PRX: variants seen among roughly 807,000 people sequenced by gnomAD.
The protein encoded by PRX is periaxin.
PRX carries 24 observed loss-of-function variants against 29.6 expected under a neutral mutation model. The ratio of observed to expected loss-of-function variants is 0.81; its 90% confidence interval spans 0.59 to 1.14. PRX has a LOEUF of 1.14. Ranked by LOEUF, PRX falls within the 50% of genes most tolerant of loss-of-function variation. The pLI is 0.00. For missense variants in PRX, 1,838 were observed against 1,926.4 expected, an observed-to-expected ratio of 0.95 and a Z score of 0.86; for synonymous variants, 772 against 831.7, an observed-to-expected ratio of 0.93 and a Z score of 1.24.
rs1268269158 is a variant in PRX at position 40,394,265 on chromosome 19, T to C, written c.4087A>G (p.Ser1363Gly). 6.2e-7 allele frequency: 1 copy of C among 1,611,570 alleles called. No individual in the cohort carries two copies. Among genetic ancestry groups the C allele is most frequent in the East Asian group, 2.2e-5 (1 of 44,782 alleles). The change falls in exon 7 of 7, where the codon AGT (serine) becomes GGT (glycine). Residue 1363 changes from serine (S) to glycine (G), a missense_variant. Physicochemically the swap from Ser to Gly is moderately conservative, Grantham distance 56. Around this residue, in one of 3 missense-constraint regions of PRX, gnomAD observed 1,143 missense variants for 1,193.0 expected, o/e 0.96. Transcript: ENST00000324001. This position sits in a 1 kb window ranked among gnomAD's most constrained non-coding sequence, Gnocchi z 5.8. ...CGGCGACCCGAGGCCCCTTCCCCAC[T>C]GCCCTCTTCCTCCTCCTCCTCCTCC... is the stretch of plus-strand genomic sequence containing the variant. ...EEEEEEEEEG[S>G]GEGASGRRGR...
In PRX at chr19:40,398,625, TG is replaced by T; in HGVS notation, c.375del (p.Lys126SerfsTer2). The T allele has an allele frequency of 6.2e-7, 1 of 1,610,638 alleles. No individual in the cohort carries two copies. Among genetic ancestry groups the T allele is most frequent in the Non-Finnish European group, 8.5e-7 (1 of 1,179,578 alleles). ...YEIKGPRAKVAKLNIQSLSPV... is the reference protein window; with the variant it reads ...YEIKGPRAKVXKLNIQSLSPV... ...GCCGGGCTAAGCACGCGTACCAGCT[TG>T]GCCACCTTGGCCCGCGGGCCCTTGA... On this transcript the variant is annotated frameshift_variant, in exon 6 of 7. Coordinates refer to ENST00000324001, the MANE Select transcript of PRX (RefSeq NM_181882.3). LOFTEE classifies it low-confidence loss of function (END_TRUNC). The surrounding 1 kb of genome is among the most constrained non-coding windows in gnomAD (Gnocchi z 6.3).
At chr19:40,411,694 G>A (rs547099179) in intron 1 of PRX, among the ~76,000 whole-genome samples, 2 of 152,148 alleles carry the variant, frequency 1.3e-5, no homozygotes, top group East Asian at 1.9e-4. Context: ...GGGCAGCTTC[G>A]GAAGGAAACC....
At chr19:40,400,939 A>G (rs1323786401) in intron 5 of PRX, among the ~76,000 whole-genome samples, 2 of 152,016 alleles carry the variant, frequency 1.3e-5, no homozygotes, top group African/African-American at 4.8e-5. Context: ...CTCACATCCA[A>G]CATCTCCATC....
intron 4 of PRX, 102 bp from the exon 5 acceptor site, chr19:40,403,964 T>C: frequency 7.5e-7 from 1 of 1,337,444 alleles, no homozygotes; most frequent in Non-Finnish European, 1.0e-6. Context: ...TATATGTTTA[T>C]ATATATTTAG....
chr19:40,410,197 G>A (rs1339305412), intron 1 of PRX, among the ~76,000 whole-genome samples: 1 of 152,126 alleles, frequency 6.6e-6, no homozygotes, highest in Non-Finnish European at 1.5e-5. Context: ...AAATGGAGAT[G>A]AATACTCTCT....
Position 40,394,784 on chromosome 19 carries a change from C to T in PRX, c.3568G>A (p.Val1190Met), listed in dbSNP as rs1460400178. The T allele has an allele frequency of 1.9e-6, 3 of 1,613,688 alleles. No individual in the cohort carries two copies. Among genetic ancestry groups the T allele is most frequent in the Admixed American group, 1.7e-5 (1 of 60,032 alleles). Residue 1190 changes from valine (V) to methionine (M), a missense_variant, in exon 7 of 7, where the codon GTG (valine) becomes ATG (methionine). Physicochemically the swap from Val to Met is conservative, Grantham distance 21 (BLOSUM62 1). Coordinates refer to ENST00000324001, the MANE Select transcript of PRX (RefSeq NM_181882.3). This position sits in a 1 kb window ranked among gnomAD's most constrained non-coding sequence, Gnocchi z 5.8. ...TGGGCTCCAGGCAGAGACAGGGTCA[C>T]CTGGGGCACCTGAACCCTGTAGCCT... ...TAGYRVQVPQ[V>M]TLSLPGAQVA... is the part of the protein sequence containing the mutation.
In PRX at chr19:40,397,690, G is replaced by A; in HGVS notation, c.662C>T (p.Ala221Val). The A allele has an allele frequency of 1.3e-6, 2 of 1,560,800 alleles. No individual in the cohort carries two copies. Among genetic ancestry groups the A allele is most frequent in the Non-Finnish European group, 1.7e-6 (2 of 1,158,486 alleles). ...APPPRKAKVE[A>V]EVAAGARFTA... is the part of the protein sequence containing the mutation. Reference sequence around the variant, plus strand: ...GAAACGAGCTCCTGCAGCCACCTCAGCCTCCACCTTGGCTTTCCTGGGGGG... The same window carrying A: ...GAAACGAGCTCCTGCAGCCACCTCAACCTCCACCTTGGCTTTCCTGGGGGG... The change falls in exon 7 of 7, where the codon GCT becomes GTT. Residue 221 changes from alanine (A) to valine (V), a missense_variant. Ala to Val is a moderately conservative substitution (Grantham distance 64). Around this residue, in one of 3 missense-constraint regions of PRX, gnomAD observed 666 missense variants for 665.0 expected, o/e 1.00. Transcript: ENST00000324001.
Position 40,396,630 on chromosome 19 carries a change from C to G in PRX, c.1722G>C (p.Leu574=). Residue 574 remains leucine, a synonymous_variant, in exon 7 of 7, where the codon CTG becomes CTC. Transcript: ENST00000324001. ...VPEVRLPEVQ[L]PKVPEMKVPE... is the part of the protein sequence containing the mutation. ...GGACTTTCATCTCTGGCACTTTCGG[C>G]AGCTGCACCTCTGGAAGCCGCACCT... The G allele has an allele frequency of 1.2e-6, 2 of 1,614,096 alleles. No individual in the cohort carries two copies. Among genetic ancestry groups the G allele is most frequent in the Non-Finnish European group, 1.7e-6 (2 of 1,180,020 alleles).
chr19:40,403,650 G>A, intron 5 of PRX, 56 bp downstream of exon 5: 1 of 1,505,738 alleles, frequency 6.6e-7, no homozygotes, highest in Non-Finnish European at 8.9e-7. Context: ...ACCCAAGGCA[G>A]ATTCCTAACC....
chr19:40,413,751 C>T (rs116866864), upstream of PRX, among the ~76,000 whole-genome samples: 4,248 of 152,278 alleles, frequency 0.028, 88 homozygotes, highest in Middle Eastern at 0.061. Context: ...GGGTTCAAAT[C>T]GCAGCGCGAC....
chr19:40,408,089 T>G (rs765166923), intron 3 of PRX, 58 bp from the exon 4 acceptor site: 97 of 951,356 alleles, frequency 1.0e-4, no homozygotes, highest in Admixed American at 2.8e-4. Flanking sequence ...GTGGAGGCCA[T>G]GCTTACAGGG....
Position 40,397,342 on chromosome 19 carries a change from A to G in PRX, c.1010T>C (p.Leu337Pro). The change falls in exon 7 of 7, where the codon CTG becomes CCG. Residue 337 changes from leucine (L) to proline (P), a missense_variant. Around this residue, in one of 3 missense-constraint regions of PRX, gnomAD observed 666 missense variants for 665.0 expected, o/e 1.00. Coordinates refer to ENST00000324001, the MANE Select transcript of PRX (RefSeq NM_181882.3). Reference sequence around the variant, plus strand: ...CTCCACCTCTGCACCCGGCAAGGCCAGGTCCACCCCCACAGTCGGTGCTGC... The same window carrying G: ...CTCCACCTCTGCACCCGGCAAGGCCGGGTCCACCCCCACAGTCGGTGCTGC... ...DVAAPTVGVD[L>P]ALPGAEVEAR... The G allele has an allele frequency of 6.2e-7, 1 of 1,613,028 alleles. No individual in the cohort carries two copies. Among genetic ancestry groups the G allele is most frequent in the South Asian group, 1.1e-5 (1 of 91,086 alleles).
intron 1 of PRX, among the ~76,000 whole-genome samples, chr19:40,408,819 GTGTGTGTGTGTGT>G (rs2079545137): frequency 2.4e-5 from 3 of 125,050 alleles, no homozygotes; most frequent in African/African-American, 1.2e-4. Context: ...TGTTGGTGGT[GTGTGTGTGTGTGT>G]GTGTGTGTGT....
At chr19:40,405,630 T>C (rs1407258733) in intron 4 of PRX, among the ~76,000 whole-genome samples, 3 of 32,946 alleles carry the variant, frequency 9.1e-5, no homozygotes, top group Admixed American at 8.5e-4. Flanking sequence ...GAATCTCTTT[T>C]TTTTTTTTTT....
At chr19:40,403,565 C>G in intron 5 of PRX, 141 bp downstream of exon 5, 1 of 1,071,646 alleles carries the variant, frequency 9.3e-7, no homozygotes, top group Non-Finnish European at 1.3e-6. Flanking sequence ...TCAGCAAAGC[C>G]CCGCCCCAAG....
chr19:40,411,681 T>C (rs2079559415), intron 1 of PRX, among the ~76,000 whole-genome samples: 1 of 151,684 alleles, frequency 6.6e-6, no homozygotes, highest in South Asian at 2.1e-4. Context: ...TGGGGTAAGG[T>C]GGGGGCAGCT....
intron 1 of PRX, among the ~76,000 whole-genome samples, chr19:40,410,905 C>T (rs764130622): frequency 6.6e-6 from 1 of 152,128 alleles, no homozygotes; most frequent in East Asian, 1.9e-4. Flanking sequence ...AAAGCTCCAG[C>T]GCTTTAGCTG....
In PRX at chr19:40,395,089, T is replaced by C. The variant is rs758071572; in HGVS notation, c.3263A>G (p.Glu1088Gly). 1 of 1,613,676 alleles carries C rather than the reference T, an allele frequency of 6.2e-7. No individual in the cohort carries two copies. The highest frequency in any genetic ancestry group is 8.5e-7 in the Non-Finnish European group (1 of 1,180,004). The change falls in exon 7 of 7, where the codon GAG becomes GGG. Residue 1088 changes from glutamate to glycine, a missense_variant. Glu to Gly is a moderately conservative substitution (Grantham distance 98). Transcript: ENST00000324001. Reference protein sequence around the residue: ...GDRASPGEKAESTAVQLKIPE... With the variant: ...GDRASPGEKAGSTAVQLKIPE... ...GATCTTAAGCTGCACAGCGGTGGAC[T>C]CAGCCTTTTCCCCCGGGCTGGCACG...
At chr19:40,407,482 G>T in intron 4 of PRX, 1 of 230,678 alleles carries the variant, frequency 4.3e-6, no homozygotes. Flanking sequence ...TTTTTTTCCG[G>T]TAGAGACAGG....
Sources: gnomAD v4.1 joint callset for allele counts (sites outside exome capture counted in the v4.1 genomes callset) on GRCh38, gnomAD v4.1.1 for gene constraint, gnomAD v4.1.1 regional missense constraint, Gnocchi (gnomAD v3.1) non-coding constraint, MANE v1.5 for transcripts, NCBI Gene and HGNC (gene_info 2026-07-23, HGNC 2026-07-21) for gene names.